The following CLEC12B variants were observed in gnomAD, a reference collection of about 807,000 sequenced individuals.
The protein encoded by CLEC12B is macrophage antigen h.
A neutral mutation model predicts 36.1 loss-of-function variants in CLEC12B; 25 were observed. The ratio of observed to expected loss-of-function variants is 0.69; its 90% CI spans 0.50 to 0.97. The LOEUF is 0.97. CLEC12B is among the 50% of genes least tolerant of loss of function. The pLI is 0.00. For missense variants in CLEC12B, 325 were observed against 318.4 expected (o/e 1.02, Z -0.16); for synonymous variants, 110 against 108.5 (o/e 1.01, Z -0.09).
intron 1 of CLEC12B, among the ~76,000 whole-genome samples, chr12:10,011,392 G>A (rs536027984): frequency 6.6e-6 from 1 of 152,224 alleles, no homozygotes; most frequent in Admixed American, 6.5e-5. Context: ...AGTAATAATA[G>A]TATCTGGGTA....
chr12:10,013,855 G>A (rs1865402741), intron 2 of CLEC12B, among the ~76,000 whole-genome samples: 1 of 152,190 alleles, frequency 6.6e-6, no homozygotes, highest in Non-Finnish European at 1.5e-5. Context: ...CAATCAGTAT[G>A]AGGATTAGCA....
intron 4 of CLEC12B, 37 bp from the exon 5 acceptor site, chr12:10,015,575 C>A (rs200349068): frequency 6.2e-6 from 10 of 1,611,750 alleles, no homozygotes; most frequent in South Asian, 1.1e-5. Flanking sequence ...TGGAATGTGG[C>A]GCTCACGTAA....
rs1208526739 is a variant in CLEC12B, at chr12:10,015,700, A to C, written c.653A>C (p.Glu218Ala). The part of the protein sequence containing the change: ...WDSSGRSWFW[E>A]DGSVPSPSLF... The stretch of plus-strand genomic sequence containing the variant: ...TCCTCTGGCAGAAGTTGGTTCTGGG[A>C]AGATGGCTCTGTTCCCTCTCCATCC... The change falls in exon 5 of 6, where the codon GAA becomes GCA. Residue 218 changes from glutamate (E) to alanine (A), a missense_variant. Coordinates refer to ENST00000338896, the MANE Select transcript of CLEC12B (RefSeq NM_001129998.3). The C allele has an allele frequency of 6.2e-7, 1 of 1,613,708 alleles. No homozygotes were observed. Among genetic ancestry groups the C allele is most frequent in the Non-Finnish European group, 8.5e-7 (1 of 1,179,688 alleles).
Position 10,018,388 on chromosome 12 carries a change from A to G in CLEC12B, c.738A>G (p.Gln246=). 2.6e-6 allele frequency: 4 copies of G among 1,545,330 alleles called. No homozygotes were observed. The highest frequency in any genetic ancestry group is 2.6e-6 in the Non-Finnish European group (3 of 1,141,538). The stretch of plus-strand genomic sequence containing the variant: ...GATCCAAAGGATGTGCTTATTTTCA[A>G]AAAGGAAATATTTATATTTCTCGCT... ...INGSKGCAYF[Q]KGNIYISRCS... is the part of the protein sequence containing the mutation. The change falls in exon 6 of 6, where the codon CAA becomes CAG. Residue 246 remains glutamine, a synonymous_variant. Transcript: ENST00000338896.
At chr12:10,006,917 G>C (rs9300220), upstream of CLEC12B, among the ~76,000 whole-genome samples, 1,635 of 151,420 alleles carry the variant, frequency 0.011, 11 homozygotes, top group Non-Finnish European at 0.019. Flanking sequence ...TAGCCGGGCG[G>C]GGTGGCAGGC....
At position 10,014,615 on chromosome 12, in the gene CLEC12B, C is replaced by A. The variant is rs2094803270; in HGVS notation, c.283C>A (p.Gln95Lys). 6.2e-7 allele frequency: 1 copy of A among 1,613,640 alleles called. No individual in the cohort carries two copies. Among genetic ancestry groups the A allele is most frequent in the African/African-American group, 1.3e-5 (1 of 74,900 alleles). Residue 95 changes from glutamine (Q) to lysine (K), a missense_variant, in exon 3 of 6, where the codon CAA becomes AAA. Gln to Lys is a moderately conservative substitution (Grantham distance 53). Coordinates refer to ENST00000338896, the MANE Select transcript of CLEC12B (RefSeq NM_001129998.3). ...ACAGCAGCAGGATAACTTATCCCAGCAACTGGGCAACTCCAACAACTTGTC... is the reference window on the plus strand; with the variant it reads ...ACAGCAGCAGGATAACTTATCCCAGAAACTGGGCAACTCCAACAACTTGTC... ...IQQQQDNLSQQLGNSNNLSME... is the reference protein window; with the variant it reads ...IQQQQDNLSQKLGNSNNLSME...
chr12:10,009,561 GAAAAAAA>G (rs61525971), upstream of CLEC12B, among the ~76,000 whole-genome samples: 1 of 133,290 alleles, frequency 7.5e-6, no homozygotes, highest in Non-Finnish European at 1.6e-5. Context: ...TCATCAATTT[GAAAAAAA>G]AAAAAACAAA....
chr12:10,010,780 C>A lies in CLEC12B; in HGVS notation c.21C>A (p.Tyr7Ter). The A allele has an allele frequency of 6.2e-7, 1 of 1,602,116 alleles. No individual in the cohort carries two copies. The highest frequency in any genetic ancestry group is 8.5e-7 in the Non-Finnish European group (1 of 1,170,006). The change falls in exon 1 of 6, where the codon TAC becomes TAA. Residue 7 changes from tyrosine to a stop codon, truncating the protein, a stop_gained. Transcript: ENST00000338896. LOFTEE classifies it high-confidence loss of function. The stretch of plus-strand genomic sequence containing the variant: ...CTACAATGTCTGAAGAAGTGACCTA[C>A]GCGACACTCACATTTCAGGATTCTG... The part of the protein sequence containing the change: MSEEVT[Y>*]ATLTFQDSAG...
At chr12:10,013,918 G>A (rs965623926) in intron 2 of CLEC12B, among the ~76,000 whole-genome samples, 3 of 152,150 alleles carry the variant, frequency 2.0e-5, no homozygotes, top group Admixed American at 6.5e-5. Flanking sequence ...ATGCAATAAC[G>A]TACGTCCATT....
intron 4 of CLEC12B, 84 bp from the exon 5 acceptor site, chr12:10,015,528 T>A: frequency 6.3e-7 from 1 of 1,579,586 alleles, no homozygotes; most frequent in South Asian, 1.2e-5. Flanking sequence ...AATACATGAA[T>A]TTAATGAATG....
At chr12:10,011,137 T>A (rs1865317700) in intron 1 of CLEC12B, among the ~76,000 whole-genome samples, 1 of 152,188 alleles carries the variant, frequency 6.6e-6, no homozygotes, top group African/African-American at 2.4e-5. Flanking sequence ...TTCTTATGAA[T>A]ATAATCCTTG....
Position 10,014,730 on chromosome 12 carries a change from T to C in CLEC12B, c.398T>C (p.Ile133Thr), listed in dbSNP as rs1283153479. 2 of 1,612,124 alleles carry C rather than the reference T, an allele frequency of 1.2e-6. No homozygotes were observed. Among genetic ancestry groups the C allele is most frequent in the Admixed American group, 1.7e-5 (1 of 59,922 alleles). The change falls in exon 3 of 6, where the codon ATT (isoleucine) becomes ACT (threonine). Residue 133 changes from isoleucine (I) to threonine (T), a missense_variant. By Grantham distance (89) the Ile-to-Thr change is moderately conservative. Transcript: ENST00000338896. ...MAIKLCQELI[I>T]HTSDHRCNPC... ...ATCAAACTGTGCCAAGAGCTAATCA[T>C]TCATACTTCAGGTAATCAGACTTAG...
At chr12:10,016,990 T>G in intron 5 of CLEC12B, 1 of 983,526 alleles carries the variant, frequency 1.0e-6, no homozygotes, top group Non-Finnish European at 1.2e-6. Flanking sequence ...TTGTCAACGT[T>G]TTCTTAAACT....
In CLEC12B at chr12:10,015,632, A is replaced by G; in HGVS notation, c.585A>G (p.Pro195=). 6.2e-7 allele frequency: 1 copy of G among 1,613,672 alleles called. No homozygotes were observed. ...LEEKDFLMSQ[P]LLMFSFFWLG... is the part of the protein sequence containing the mutation. Reference sequence around the variant, plus strand: ...CTTAGGATTTTCTTATGTCACAGCCATTACTCATGTTTTCGTTCTTTTGGC... The same window carrying G: ...CTTAGGATTTTCTTATGTCACAGCCGTTACTCATGTTTTCGTTCTTTTGGC... The change falls in exon 5 of 6, where the codon CCA becomes CCG. Residue 195 remains proline (P), a synonymous_variant. Coordinates refer to ENST00000338896, the MANE Select transcript of CLEC12B (RefSeq NM_001129998.3).
chr12:10,016,846 T>C (rs1443812590), intron 5 of CLEC12B: 1 of 282,470 alleles, frequency 3.5e-6, no homozygotes, highest in Admixed American at 6.5e-5. Context: ...TTCACCCTAA[T>C]AATCTATGAA....
At chr12:10,009,568 A>C (rs1010271684), upstream of CLEC12B, among the ~76,000 whole-genome samples, 24 of 151,610 alleles carry the variant, frequency 1.6e-4, no homozygotes, top group East Asian at 1.2e-3. Context: ...TTTGAAAAAA[A>C]AAAAAACAAA....
upstream of CLEC12B, chr12:10,010,540 C>T (rs1865300882): frequency 8.0e-6 from 3 of 377,120 alleles, no homozygotes; most frequent in South Asian, 5.7e-5. Flanking sequence ...AGATCTGTAA[C>T]ATTCTAATGA....
chr12:10,012,753 T>G (rs1271049393), intron 1 of CLEC12B, 32 bp from the exon 2 acceptor site: 2 of 1,543,356 alleles, frequency 1.3e-6, no homozygotes, highest in African/African-American at 2.7e-5. Flanking sequence ...AAAGCAGTTC[T>G]GTGTGCTGAT....
chr12:10,013,948 A>C (rs921459155), intron 2 of CLEC12B, among the ~76,000 whole-genome samples: 27 of 152,204 alleles, frequency 1.8e-4, no homozygotes, highest in Non-Finnish European at 3.4e-4. Flanking sequence ...TAGAAGGGTG[A>C]CATTTCTTTT....
Sources: gnomAD v4.1 joint callset for allele counts (sites outside exome capture counted in the v4.1 genomes callset) on GRCh38, gnomAD v4.1.1 for gene constraint, MANE v1.5 for transcripts, NCBI Gene and HGNC (gene_info 2026-07-23, HGNC 2026-07-21) for gene names.